MAD1L1: variants seen among roughly 807,000 people sequenced by gnomAD.
The protein encoded by MAD1L1 is mitotic arrest deficient 1 like 1.
Under a neutral mutation model 96.9 loss-of-function variants are expected in MAD1L1, and 95 were observed. That is an observed-to-expected ratio of 0.98 (90% CI 0.83 to 1.16). The LOEUF (loss-of-function observed/expected upper bound fraction) is 1.16. Ranked by LOEUF, MAD1L1 falls within the 50% of genes most tolerant of loss-of-function variation. The pLI is 0.00. For missense variants in MAD1L1, 1,007 were observed against 954.4 expected, an observed-to-expected ratio of 1.06 and a Z score of -0.73; for synonymous variants, 473 against 396.6, an observed-to-expected ratio of 1.19 and a Z score of -2.29.
chr7:2,030,540 G>A (rs1288282598), intron 12 of MAD1L1, among the ~76,000 whole-genome samples: 1 of 152,216 alleles, frequency 6.6e-6, no homozygotes, highest in African/African-American at 2.4e-5. Flanking sequence ...CAGCCTTGAT[G>A]TGCAGAGGCC....
At chr7:1,896,900 G>C (rs546241780) in intron 18 of MAD1L1, among the ~76,000 whole-genome samples, 2 of 152,198 alleles carry the variant, frequency 1.3e-5, no homozygotes, top group Non-Finnish European at 2.9e-5. Context: ...TATGGAATTC[G>C]TATAATGCAT....
chr7:1,942,699 G>A (rs559906182), intron 16 of MAD1L1, among the ~76,000 whole-genome samples: 4 of 152,246 alleles, frequency 2.6e-5, no homozygotes, highest in South Asian at 2.1e-4. Context: ...CGGCGCTGTC[G>A]GGACCAGAGA....
chr7:2,014,720 C>G, intron 12 of MAD1L1, 78 bp from the exon 13 acceptor site: 1 of 1,473,616 alleles, frequency 6.8e-7, no homozygotes, highest in Non-Finnish European at 9.0e-7. Flanking sequence ...GGGAAGGCCC[C>G]ACGAGAGCTG....
At chr7:1,827,795 TCCC>T (rs1782504401) in intron 18 of MAD1L1, among the ~76,000 whole-genome samples, 2 of 125,652 alleles carry the variant, frequency 1.6e-5, no homozygotes, top group African/African-American at 5.4e-5. Flanking sequence ...CCTGAGCCCG[TCCC>T]GGGTGTGGGG....
intron 11 of MAD1L1, among the ~76,000 whole-genome samples, chr7:2,070,107 T>G (rs1364317135): frequency 6.6e-6 from 1 of 152,176 alleles, no homozygotes; most frequent in East Asian, 1.9e-4. Flanking sequence ...CAACCACTCT[T>G]GGTGAGCTTC....
intron 13 of MAD1L1, among the ~76,000 whole-genome samples, chr7:2,009,446 G>A (rs1782190482): frequency 1.3e-5 from 2 of 152,318 alleles, no homozygotes; most frequent in South Asian, 2.1e-4. Context: ...AGGATGGGAC[G>A]GAAGCTCAGG....
intron 14 of MAD1L1, among the ~76,000 whole-genome samples, chr7:1,988,630 C>T (rs961372528): frequency 3.9e-5 from 6 of 152,304 alleles, no homozygotes; most frequent in East Asian, 3.9e-4. Flanking sequence ...CTGGAGGACC[C>T]GGCCGCGCTC....
intron 12 of MAD1L1, among the ~76,000 whole-genome samples, chr7:2,060,894 G>A (rs537032425): frequency 1.4e-3 from 212 of 152,328 alleles, no homozygotes; most frequent in African/African-American, 4.7e-3. Context: ...AGCAAACGTC[G>A]GTGAGCTGGC....
chr7:2,130,688 C>G (rs1788471881), intron 11 of MAD1L1, among the ~76,000 whole-genome samples: 1 of 152,242 alleles, frequency 6.6e-6, no homozygotes, highest in South Asian at 2.1e-4. Context: ...GCGACTCTCT[C>G]TTCCTCTTAG....
intron 12 of MAD1L1, among the ~76,000 whole-genome samples, chr7:2,016,898 C>T (rs1042917744): frequency 1.5e-4 from 23 of 152,378 alleles, no homozygotes; most frequent in African/African-American, 5.0e-4. Flanking sequence ...TGACTTTTAT[C>T]GTTTCAAGCC....
rs562010931 is a variant in MAD1L1, at chr7:2,066,701, C to T, written c.1218+2493G>A. 3.3e-4 allele frequency among the ~76,000 whole-genome samples: 51 copies of T among 152,298 alleles called. No individual in the cohort carries two copies. The Middle Eastern group carries it at 0.014, about 41-fold the overall frequency. ...CAGAAGGCTGCGGGGCTCCACTAGA[C>T]CATGAGGGAGCCCCACAGGGATGAA... is the stretch of plus-strand genomic sequence containing the variant. On this transcript the variant is annotated intron_variant, in intron 12 of 18. Transcript: ENST00000265854.
chr7:1,866,892 G>A (rs2128651876), intron 18 of MAD1L1, among the ~76,000 whole-genome samples: 1 of 152,340 alleles, frequency 6.6e-6, no homozygotes, highest in Non-Finnish European at 1.5e-5. Flanking sequence ...CCAGGCTCCT[G>A]CAGGCGTCTC....
intron 11 of MAD1L1, among the ~76,000 whole-genome samples, chr7:2,131,964 C>T (rs953852051): frequency 2.6e-5 from 4 of 152,196 alleles, no homozygotes; most frequent in Non-Finnish European, 5.9e-5. Flanking sequence ...AATGGAAAGG[C>T]TGGTGAAAGA....
At chr7:2,133,808 G>C (rs1223457983) in intron 11 of MAD1L1, among the ~76,000 whole-genome samples, 1 of 152,182 alleles carries the variant, frequency 6.6e-6, no homozygotes, top group Non-Finnish European at 1.5e-5. Flanking sequence ...GTTTTCCTCT[G>C]AGCTGCCTTT....
chr7:1,916,733 T>C (rs1448798449), intron 17 of MAD1L1, among the ~76,000 whole-genome samples: 3 of 151,886 alleles, frequency 2.0e-5, no homozygotes, highest in African/African-American at 7.3e-5. Context: ...TCCCTGCAGC[T>C]CCCCTCCCTC....
rs1040751946 is a variant in MAD1L1, at chr7:2,114,709, C to A, written c.1073+34443G>T. ...AAAGTTTTGATGGAGCACAGCCACC[C>A]AGAATCAAATACGAATCGCCGCTGC... On this transcript the variant is annotated intron_variant, in intron 11 of 18. Coordinates refer to ENST00000265854, the MANE Select transcript of MAD1L1 (RefSeq NM_001013836.2). This position sits in a 1 kb window ranked among gnomAD's most constrained non-coding sequence, Gnocchi z 4.2. Among the ~76,000 whole-genome samples, 3 of 152,206 alleles carry A rather than the reference C, an allele frequency of 2.0e-5. No homozygotes were observed. Among genetic ancestry groups the A allele is most frequent in the Non-Finnish European group, 4.4e-5 (3 of 68,046 alleles).
chr7:1,824,471 C>T (rs900436931), intron 18 of MAD1L1, among the ~76,000 whole-genome samples: 1 of 152,200 alleles, frequency 6.6e-6, no homozygotes, highest in East Asian at 1.9e-4. Context: ...CCTGTGCCCA[C>T]GTTACCCCGG....
intron 5 of MAD1L1, among the ~76,000 whole-genome samples, chr7:2,219,748 G>A (rs979951104): frequency 6.6e-6 from 1 of 152,056 alleles, no homozygotes; most frequent in African/African-American, 2.4e-5. Flanking sequence ...GGAGGATGCA[G>A]GTCAGGCAGA....
chr7:2,220,894 G>A (rs1389046217), intron 5 of MAD1L1: 3 of 1,610,802 alleles, frequency 1.9e-6, no homozygotes, highest in Non-Finnish European at 2.5e-6. Context: ...CGTGTGCCAG[G>A]GGCAAGGCCA....
Sources: allele counts gnomAD v4.1 joint callset (sites outside exome capture counted in the v4.1 genomes callset), GRCh38; gene constraint gnomAD v4.1.1; non-coding constraint Gnocchi (gnomAD v3.1); transcripts MANE v1.5; gene names NCBI Gene and HGNC (gene_info 2026-07-23, HGNC 2026-07-21).